The following FMN1 variants were observed in gnomAD, a reference collection of about 807,000 sequenced individuals.
The protein encoded by FMN1 is formin 1.
In FMN1, 110 loss-of-function variants were observed where a neutral mutation model predicts 132.4. The ratio of observed to expected loss-of-function variants is 0.83; its 90% CI spans 0.71 to 0.97. The LOEUF (loss-of-function observed/expected upper bound fraction) is 0.97. Ranked by LOEUF, FMN1 falls within the 50% of genes least tolerant of loss-of-function variation. The pLI is 0.00. For synonymous variants in FMN1, 722 were observed against 651.7 expected, an observed-to-expected ratio of 1.11 and a Z score of -1.64; for missense variants, 1,792 against 1,705.3, an observed-to-expected ratio of 1.05 and a Z score of -0.90.
At chr15:33,057,619 A>ACC (rs1566874523) in intron 6 of FMN1, among the ~76,000 whole-genome samples, 1 of 152,052 alleles carries the variant, frequency 6.6e-6, no homozygotes. Context: ...AAACCCATGA[A>ACC]CCCCTGCAGT....
chr15:32,975,258 A>T (rs911537677), intron 7 of FMN1, among the ~76,000 whole-genome samples: 1 of 152,164 alleles, frequency 6.6e-6, no homozygotes, highest in African/African-American at 2.4e-5. Context: ...CTTCTTTGCA[A>T]ATCTAAAAAC....
chr15:33,043,114 T>G (rs2036516287), intron 6 of FMN1, among the ~76,000 whole-genome samples: 1 of 152,238 alleles, frequency 6.6e-6, no homozygotes, highest in Non-Finnish European at 1.5e-5. Flanking sequence ...AATTTTGATC[T>G]CTTCCCTGGT....
rs747870189 is a variant in FMN1 at position 32,900,049 on chromosome 15, T to C, written c.3584A>G (p.Asn1195Ser). The C allele has an allele frequency of 5.6e-6, 9 of 1,613,812 alleles. No homozygotes were observed. Among genetic ancestry groups the C allele is most frequent in the South Asian group, 2.2e-5 (2 of 91,088 alleles). Residue 1195 changes from asparagine (N) to serine (S), a missense_variant, in exon 14 of 21, where the codon AAT (asparagine) becomes AGT (serine). Coordinates refer to ENST00000616417, the MANE Select transcript of FMN1 (RefSeq NM_001277313.2). Reference protein sequence around the residue: ...LAFGNYMNGGNRTRGQADGYS... With the variant: ...LAFGNYMNGGSRTRGQADGYS... ...TCCATCGGCTTGTCCCCGAGTCCTA[T>C]TTCCTCCATTCATATAATTTCCAAA...
intron 16 of FMN1, among the ~76,000 whole-genome samples, chr15:32,864,833 C>T (rs1346191851): frequency 2.0e-5 from 3 of 152,074 alleles, no homozygotes; most frequent in Non-Finnish European, 4.4e-5. Flanking sequence ...TAGTATACTC[C>T]AAGAAGTAGA....
intron 17 of FMN1, among the ~76,000 whole-genome samples, chr15:32,811,959 T>C (rs958218639): frequency 6.6e-6 from 1 of 152,144 alleles, no homozygotes; most frequent in African/African-American, 2.4e-5. Context: ...TTTTTCACCA[T>C]TTTAATCTGC....
intron 16 of FMN1, among the ~76,000 whole-genome samples, chr15:32,879,393 G>A (rs2059711035): frequency 6.6e-6 from 1 of 152,196 alleles, no homozygotes; most frequent in Admixed American, 6.5e-5. Flanking sequence ...GGAGGAAAGA[G>A]CTAATAAATT....
At chr15:32,964,040 C>CACACAT in intron 9 of FMN1, 67 bp downstream of exon 9, 1 of 1,161,032 alleles carries the variant, frequency 8.6e-7, no homozygotes, top group Non-Finnish European at 1.3e-6. Flanking sequence ...CACACACACA[C>CACACAT]ACACACACAT....
Position 32,919,060 on chromosome 15 carries a change from T to C in FMN1, c.3226+7114A>G, listed in dbSNP as rs553614104. Among the ~76,000 whole-genome samples the C allele has an allele frequency of 3.9e-5, 6 of 152,352 alleles. No homozygotes were observed. In the East Asian group the frequency reaches 1.2e-3, roughly 29 times the overall value. On this transcript the variant is annotated intron_variant, in intron 10 of 20. Transcript: ENST00000616417. ...ATTGAAACTGCCCATTTATTTAGTC[T>C]GTATGTCAGCAGGTCAGGGTCACAT...
chr15:33,114,924 TA>T (rs35026469), intron 4 of FMN1, among the ~76,000 whole-genome samples: 99,918 of 152,076 alleles, frequency 0.66, 34,941 homozygotes, highest in East Asian at 0.8. Context: ...TCCAGCCAGC[TA>T]ACTGAAAAGT....
At chr15:33,044,721 G>C (rs1002794789) in intron 6 of FMN1, among the ~76,000 whole-genome samples, 3 of 152,098 alleles carry the variant, frequency 2.0e-5, no homozygotes, top group African/African-American at 7.2e-5. Context: ...ATGACCAGCT[G>C]CAGGAGCTAC....
At chr15:33,010,717 G>GTT (rs1385503844) in intron 6 of FMN1, among the ~76,000 whole-genome samples, 6 of 152,026 alleles carry the variant, frequency 3.9e-5, no homozygotes, top group Non-Finnish European at 8.8e-5. Context: ...GAATATGCAT[G>GTT]TTTAGCAGAG....
chr15:33,154,261 T>C lies in FMN1; in HGVS notation c.654A>G (p.Gly218=), dbSNP rs925567230. ...CAAGTGCCCCATTCGGGAGCAGATTTCCTTTCTCCTCTAGTACCCAAAGGT... is the reference window on the plus strand; with the variant it reads ...CAAGTGCCCCATTCGGGAGCAGATTCCCTTTCTCCTCTAGTACCCAAAGGT... ...RPNLWVLEEK[G]NLLPNGALAC... is the part of the protein sequence containing the mutation. The change falls in exon 4 of 21, where the codon GGA becomes GGG. Residue 218 remains glycine (G), a synonymous_variant. Coordinates refer to ENST00000616417, the MANE Select transcript of FMN1 (RefSeq NM_001277313.2). 1.3e-6 allele frequency: 2 copies of C among 1,536,176 alleles called. No individual in the cohort carries two copies. Among genetic ancestry groups the C allele is most frequent in the Admixed American group, 3.9e-5 (2 of 51,002 alleles).
At chr15:32,955,818 T>C (rs2061753576) in intron 9 of FMN1, among the ~76,000 whole-genome samples, 2 of 151,948 alleles carry the variant, frequency 1.3e-5, no homozygotes, top group African/African-American at 4.8e-5. Context: ...TGCGTGTGTG[T>C]GTGTGTGTGC....
chr15:33,077,806 A>AC (rs2038280637), intron 5 of FMN1, among the ~76,000 whole-genome samples: 1 of 151,736 alleles, frequency 6.6e-6, no homozygotes, highest in Admixed American at 6.6e-5. Context: ...AAAAAAAAAA[A>AC]AACATCAAAA....
At chr15:32,994,174 G>A (rs1300122891) in intron 7 of FMN1, among the ~76,000 whole-genome samples, 6 of 150,510 alleles carry the variant, frequency 4.0e-5, no homozygotes, top group Non-Finnish European at 7.4e-5. Flanking sequence ...ATATATCCGA[G>A]TATGTTACAT....
chr15:32,969,557 T>C (rs1355975029), intron 7 of FMN1, 80 bp from the exon 8 acceptor site: 63 of 1,460,810 alleles, frequency 4.3e-5, no homozygotes, highest in Non-Finnish European at 5.3e-5. Flanking sequence ...AATAATACCA[T>C]CATGGTGCCA....
At chr15:33,001,690 C>A (rs1460073640) in intron 7 of FMN1, among the ~76,000 whole-genome samples, 1 of 144,138 alleles carries the variant, frequency 6.9e-6, no homozygotes, top group Non-Finnish European at 1.5e-5. Context: ...CTCCCCCTCC[C>A]CTTCCGCCTC....
intron 7 of FMN1, among the ~76,000 whole-genome samples, chr15:32,986,843 T>C (rs1228814883): frequency 6.6e-6 from 1 of 152,304 alleles, no homozygotes; most frequent in Middle Eastern, 3.4e-3. Context: ...ATCTCCATAA[T>C]TTGTGCTTTT....
chr15:32,930,281 C>T (rs1047822681), intron 9 of FMN1, among the ~76,000 whole-genome samples: 2 of 152,088 alleles, frequency 1.3e-5, no homozygotes, highest in African/African-American at 4.8e-5. Flanking sequence ...GCCACCGTCC[C>T]TGGTCTATTT....
Sources: allele counts gnomAD v4.1 joint callset (sites outside exome capture counted in the v4.1 genomes callset), GRCh38; gene constraint gnomAD v4.1.1; transcripts MANE v1.5; gene names NCBI Gene and HGNC (gene_info 2026-07-23, HGNC 2026-07-21).